The following MTMR10 variants were observed in gnomAD, a reference collection of about 807,000 sequenced individuals.
The protein encoded by MTMR10 is myotubularin related protein 10, also known as myotubularin-related protein 10.
A neutral mutation model predicts 88.1 loss-of-function variants in MTMR10; 56 were observed. The observed-to-expected ratio is 0.64, with a 90% CI of 0.51 to 0.79. MTMR10 has a LOEUF of 0.79. MTMR10 is among the 30% of genes least tolerant of loss of function. MTMR10 has a pLI of 0.00. For missense variants in MTMR10, 883 were observed against 924.7 expected, an observed-to-expected ratio of 0.95 and a Z score of 0.58; for synonymous variants, 380 against 340.9, an observed-to-expected ratio of 1.11 and a Z score of -1.26.
chr15:30,928,506 T>TTTTGTGTGTGTGTGTG, the MTMR10 span: 1 of 1,483,544 alleles, frequency 6.7e-7, no homozygotes, highest in Middle Eastern at 1.9e-4. Context: ...AAAACAGATT[T>TTTTGTGTGTGTGTGTG]TGTGTGTGTG....
intron 2 of MTMR10, 49 bp from the exon 3 acceptor site, chr15:30,977,004 A>G: frequency 6.4e-7 from 1 of 1,562,762 alleles, no homozygotes; most frequent in Non-Finnish European, 8.8e-7. Flanking sequence ...TAAAATACCA[A>G]CGGTCTTTGT....
intron 6 of MTMR10, among the ~76,000 whole-genome samples, chr15:30,963,762 A>C (rs1335092126): frequency 6.6e-6 from 1 of 152,176 alleles, no homozygotes; most frequent in East Asian, 1.9e-4. Context: ...GAGTAACACA[A>C]CTAAAAAGCG....
At chr15:30,983,463 T>C (rs1180684304) in intron 2 of MTMR10, among the ~76,000 whole-genome samples, 2 of 152,230 alleles carry the variant, frequency 1.3e-5, no homozygotes, top group Non-Finnish European at 2.9e-5. Context: ...TTTAACTCCC[T>C]GAGGACCTCA....
intron 9 of MTMR10, among the ~76,000 whole-genome samples, chr15:30,955,352 C>A (rs1486736825): frequency 6.6e-6 from 1 of 152,202 alleles, no homozygotes; most frequent in Admixed American, 6.5e-5. Context: ...CTCACTGCAA[C>A]CTCCCCCTCC....
At chr15:30,943,956 C>T (rs1327778738) in intron 14 of MTMR10, 4 of 985,220 alleles carry the variant, frequency 4.1e-6, no homozygotes, top group South Asian at 4.7e-5. Context: ...GACACAAAGT[C>T]GCTGGATGAT....
At chr15:30,988,310 C>T (rs142179096) in intron 2 of MTMR10, among the ~76,000 whole-genome samples, 56 of 152,180 alleles carry the variant, frequency 3.7e-4, no homozygotes, top group African/African-American at 1.3e-3. Context: ...AATTCAGGAC[C>T]GGCTAAATGT....
Position 30,974,400 on chromosome 15 carries a change from T to A in MTMR10, c.388A>T (p.Asn130Tyr). 6.2e-7 allele frequency: 1 copy of A among 1,607,884 alleles called. No homozygotes were observed. The highest frequency in any genetic ancestry group is 8.5e-7 in the Non-Finnish European group (1 of 1,176,222). Residue 130 changes from asparagine to tyrosine, a missense_variant, in exon 5 of 16, where the codon AAT (asparagine) becomes TAT (tyrosine). Physicochemically the swap from Asn to Tyr is moderately radical, Grantham distance 143 (BLOSUM62 -2). Coordinates refer to ENST00000435680, the MANE Select transcript of MTMR10 (RefSeq NM_017762.3). ...CAATAAATAATTAACTCTGTTGGAT[T>A]AAATTTCAGTTTCTGGTTGGGGCCT... ...VLGPNQKLKF[N>Y]PTELIIYCKD...
At chr15:30,950,658 G>C (rs545236593) in intron 12 of MTMR10, among the ~76,000 whole-genome samples, 6 of 138,244 alleles carry the variant, frequency 4.3e-5, no homozygotes, top group African/African-American at 7.8e-5. Context: ...TGACAGGAGC[G>C]AAACTCCATC....
At chr15:30,988,307 G>A (rs1194403261) in intron 2 of MTMR10, among the ~76,000 whole-genome samples, 1 of 152,130 alleles carries the variant, frequency 6.6e-6, no homozygotes, top group Non-Finnish European at 1.5e-5. Flanking sequence ...CCTAATTCAG[G>A]ACCGGCTAAA....
intron 2 of MTMR10, among the ~76,000 whole-genome samples, chr15:30,977,380 A>G (rs977672943): frequency 2.0e-5 from 3 of 152,260 alleles, no homozygotes; most frequent in Non-Finnish European, 4.4e-5. Flanking sequence ...TTTGTAAGGA[A>G]TGAGAAACAG....
At chr15:30,938,764 G>C (rs2140976443), downstream of MTMR10, among the ~76,000 whole-genome samples, 1 of 152,148 alleles carries the variant, frequency 6.6e-6, no homozygotes, top group Admixed American at 6.5e-5. Flanking sequence ...TATCCACATG[G>C]CTTTAACTTT....
chr15:30,929,439 A>C, the MTMR10 span: 1 of 1,518,396 alleles, frequency 6.6e-7, no homozygotes, highest in African/African-American at 1.4e-5. Flanking sequence ...CAGAAAGTTA[A>C]CACCGCCCCA....
Position 30,941,682 on chromosome 15 carries a change from A to G in MTMR10, c.2122T>C (p.Tyr708His). Residue 708 changes from tyrosine to histidine, a missense_variant, in exon 16 of 16, where the codon TAT becomes CAT. Around this residue, in one of 3 missense-constraint regions of MTMR10, gnomAD observed 343 missense variants for 323.2 expected, o/e 1.06. Transcript: ENST00000435680. ...QQRSGPLEAC[Y>H]GELGQSRMYF... ...ATCCTGCTCTGGCCCAGCTCCCCATAGCAGGCCTCCAGGGGGCCACTGCGC... is the reference window on the plus strand; with the variant it reads ...ATCCTGCTCTGGCCCAGCTCCCCATGGCAGGCCTCCAGGGGGCCACTGCGC... 6.2e-7 allele frequency: 1 copy of G among 1,613,720 alleles called. No homozygotes were observed.
rs370059835 is a variant in MTMR10 at position 30,953,551 on chromosome 15, G to C, written c.1136+11C>G. On this transcript the variant is annotated intron_variant, in intron 11 of 15. Coordinates refer to ENST00000435680, the MANE Select transcript of MTMR10 (RefSeq NM_017762.3). ...AAAAGTTAAAGGAAAAGAAAGTAAA[G>C]AAGTACAAACCTTACATATTCTAAC... 2.5e-4 allele frequency: 383 copies of C among 1,517,008 alleles called. No individual in the cohort carries two copies. The highest frequency in any genetic ancestry group is 3.2e-4 in the Non-Finnish European group (357 of 1,122,058). 94.0% of individuals were successfully genotyped at this position (1,517,008 alleles called of 1,614,324 possible).
intron 2 of MTMR10, among the ~76,000 whole-genome samples, chr15:30,986,055 G>A (rs982155831): frequency 3.9e-5 from 6 of 152,144 alleles, no homozygotes; most frequent in African/African-American, 9.7e-5. Flanking sequence ...GGTGGCTCAC[G>A]GCTATAATCC....
Position 30,947,293 on chromosome 15 carries a change from A to C in MTMR10, c.1385T>G (p.Leu462Ter). ...GGTGGCATCCAAGAATAGCAAAAAT[A>C]AAGGAGACTGGCAAATACAAAGAGA... ...HLKRSEKESP[L>*]FLLFLDATWQ... Residue 462 changes from leucine (L) to a stop codon, truncating the protein, a stop_gained, in exon 14 of 16, where the codon TTA (leucine) becomes TGA (stop). Transcript: ENST00000435680. LOFTEE classifies it high-confidence loss of function. 6.2e-7 allele frequency: 1 copy of C among 1,613,144 alleles called. No homozygotes were observed. Among genetic ancestry groups the C allele is most frequent in the Non-Finnish European group, 8.5e-7 (1 of 1,179,632 alleles).
At position 30,975,117 on chromosome 15, in the gene MTMR10, A is replaced by G. The variant is rs554438128; in HGVS notation, c.259-114T>C. The G allele has an allele frequency of 1.9e-4, 147 of 787,326 alleles. 1 individual carries two copies. In the South Asian group the frequency reaches 3.0e-3, roughly 16 times the overall value. 48.8% of individuals were successfully genotyped at this position (787,326 alleles called of 1,614,324 possible). On this transcript the variant is annotated intron_variant, in intron 3 of 15. Transcript: ENST00000435680. ...ACAGTTATCTCTAAAAAGCACAAAA[A>G]GCTTTTGTCTAGGTAGCTAGGGCCA... is the stretch of plus-strand genomic sequence containing the variant.
chr15:30,976,617 T>C (rs1238187671), intron 3 of MTMR10, among the ~76,000 whole-genome samples: 1 of 152,220 alleles, frequency 6.6e-6, no homozygotes. Context: ...CAAGGTGACT[T>C]ACAATCCTCT....
At chr15:30,938,246 G>A (rs1355960671), downstream of MTMR10, among the ~76,000 whole-genome samples, 1 of 152,026 alleles carries the variant, frequency 6.6e-6, no homozygotes, top group East Asian at 1.9e-4. Flanking sequence ...AATTATATGG[G>A]AAACCGAGAT....
Sources: allele counts gnomAD v4.1 joint callset (sites outside exome capture counted in the v4.1 genomes callset), GRCh38; gene constraint gnomAD v4.1.1; regional missense constraint gnomAD v4.1.1; transcripts MANE v1.5; gene names NCBI Gene and HGNC (gene_info 2026-07-23, HGNC 2026-07-21).